ETNK1: variants seen among roughly 807,000 people sequenced by gnomAD.
The protein encoded by ETNK1 is putative protein product of Nbla10396.
ETNK1 carries 8 observed loss-of-function variants against 45.1 expected under a neutral mutation model. The ratio of observed to expected loss-of-function variants is 0.18; its 90% CI spans 0.10 to 0.32. The LOEUF (loss-of-function observed/expected upper bound fraction) is 0.32, where lower values mean the gene tolerates loss of function less well. ETNK1 is among the 10% of genes least tolerant of loss of function. The pLI, the probability that ETNK1 is intolerant of heterozygous loss-of-function variation, is 1.00. For missense variants in ETNK1, 302 were observed against 430.6 expected, an observed-to-expected ratio of 0.70 and a Z score of 2.64; for synonymous variants, 152 against 151.9, an observed-to-expected ratio of 1.00 and a Z score of -0.01.
In ETNK1 at chr12:22,656,861, A is replaced by T. The variant is rs796642242; in HGVS notation, c.417-2153A>T. On this transcript the variant is annotated intron_variant, in intron 2 of 7. Transcript: ENST00000266517. ...CCTAAATCATCTGTTTCATTTCAGT[A>T]AATATTTCTAAGATATAATATTCTG... 5 of 913,526 alleles carry T rather than the reference A, an allele frequency of 5.5e-6. No individual in the cohort carries two copies. The African/African-American group carries it at 9.0e-5, about 16-fold the overall frequency. 56.6% of individuals were successfully genotyped at this position (913,526 alleles called of 1,614,324 possible).
intron 1 of ETNK1, among the ~76,000 whole-genome samples, chr12:22,634,769 G>C (rs1254519324): frequency 6.6e-6 from 1 of 151,952 alleles, no homozygotes; most frequent in African/African-American, 2.4e-5. Flanking sequence ...TGCCCAGGCT[G>C]GTCTTGAACT....
At chr12:22,650,718 A>G (rs1953863587) in intron 2 of ETNK1, among the ~76,000 whole-genome samples, 1 of 151,902 alleles carries the variant, frequency 6.6e-6, no homozygotes, top group East Asian at 1.9e-4. Flanking sequence ...TAAAAAATAA[A>G]CATTTAAAAA....
At position 22,685,078 on chromosome 12, in the gene ETNK1, A is replaced by G; in HGVS notation, c.*124A>G. The G allele has an allele frequency of 1.6e-6, 1 of 636,780 alleles. No individual in the cohort carries two copies. Among genetic ancestry groups the G allele is most frequent in the East Asian group, 2.9e-5 (1 of 34,968 alleles). 39.4% of individuals were successfully genotyped at this position (636,780 alleles called of 1,614,324 possible). On this transcript the variant is annotated 3_prime_UTR_variant, in exon 8 of 8. Transcript: ENST00000266517. ...ATTTGGTTATCTTGCTTTATAAATT[A>G]TGCCTCTAAACAATCAAATCTATTT...
intron 5 of ETNK1, among the ~76,000 whole-genome samples, chr12:22,672,793 G>A (rs1954121988): frequency 6.6e-6 from 1 of 152,176 alleles, no homozygotes; most frequent in Non-Finnish European, 1.5e-5. Flanking sequence ...GGTAGATTTA[G>A]ACCAACTTCT....
At chr12:22,678,124 T>A (rs1954178339) in intron 6 of ETNK1, among the ~76,000 whole-genome samples, 1 of 152,202 alleles carries the variant, frequency 6.6e-6, no homozygotes, top group Admixed American at 6.5e-5. Context: ...CCTTCCTCTC[T>A]TACCAACTCT....
intron 6 of ETNK1, 49 bp from the exon 7 acceptor site, chr12:22,684,434 C>T: frequency 7.6e-7 from 1 of 1,310,636 alleles, no homozygotes; most frequent in Non-Finnish European, 1.1e-6. Context: ...ATGTGTTTTA[C>T]AGAGAAATTC....
Position 22,689,292 on chromosome 12 carries a change from G to GT in ETNK1, c.*4344dup. The GT allele has an allele frequency of 6.6e-6, 1 of 151,848 alleles. No homozygotes were observed. 9.4% of individuals were successfully genotyped at this position (151,848 alleles called of 1,614,324 possible). On this transcript the variant is annotated 3_prime_UTR_variant, in exon 8 of 8. Coordinates refer to ENST00000266517, the MANE Select transcript of ETNK1 (RefSeq NM_018638.5). The stretch of plus-strand genomic sequence containing the variant: ...TTGTGTTTGACGCATCAAACTTCAA[G>GT]TTTTTTGTAAGTTTCTCTCCTGAAA...
At chr12:22,676,853 TG>T (rs1420580685) in intron 6 of ETNK1, among the ~76,000 whole-genome samples, 4 of 134,256 alleles carry the variant, frequency 3.0e-5, no homozygotes, top group Admixed American at 7.2e-5. Flanking sequence ...TACGTTTTGA[TG>T]GGTTTTTTTT....
rs946277863 is a variant in ETNK1, at chr12:22,688,068, C to T, written c.*3114C>T. On this transcript the variant is annotated 3_prime_UTR_variant, in exon 8 of 8. Transcript: ENST00000266517. Reference sequence around the variant, plus strand: ...ACTGTTATATTAATAGAGCTCCGTTCTTTGAGTCATGATTCCAAGCTAAAG... The same window carrying T: ...ACTGTTATATTAATAGAGCTCCGTTTTTTGAGTCATGATTCCAAGCTAAAG... The T allele has an allele frequency of 2.6e-5, 4 of 152,094 alleles. No homozygotes were observed. The highest frequency in any genetic ancestry group is 5.9e-5 in the Non-Finnish European group (4 of 67,738). The allele number at this position is 152,094 out of a possible 1,614,324, so 9.4% of individuals were successfully genotyped here.
chr12:22,662,590 A>C (rs995085558), intron 4 of ETNK1, among the ~76,000 whole-genome samples: 1 of 151,012 alleles, frequency 6.6e-6, no homozygotes, highest in Non-Finnish European at 1.5e-5. Context: ...TGGAGATGGA[A>C]TCTTGCTCTG....
At chr12:22,654,307 A>G (rs1465258779) in intron 2 of ETNK1, among the ~76,000 whole-genome samples, 2 of 152,242 alleles carry the variant, frequency 1.3e-5, no homozygotes, top group East Asian at 3.8e-4. Flanking sequence ...AAGACCAGTA[A>G]TTCTGAGACC....
chr12:22,649,324 T>C (rs899197948), intron 2 of ETNK1, among the ~76,000 whole-genome samples: 1 of 152,104 alleles, frequency 6.6e-6, no homozygotes, highest in East Asian at 1.9e-4. Context: ...TCCTATGTTA[T>C]CTTCTCATGG....
intron 6 of ETNK1, chr12:22,682,221 T>A: frequency 2.3e-6 from 1 of 426,864 alleles, no homozygotes; most frequent in South Asian, 1.8e-5. Flanking sequence ...TATAGTACTA[T>A]ATTGAGAAGC....
In ETNK1 at chr12:22,643,773, A is replaced by G; in HGVS notation, c.167A>G (p.Asp56Gly). Residue 56 changes from aspartate to glycine, a missense_variant, in exon 2 of 8, where the codon GAT becomes GGT. Asp to Gly is a moderately conservative substitution (Grantham distance 94). Coordinates refer to ENST00000266517, the MANE Select transcript of ETNK1 (RefSeq NM_018638.5). ...AAAAATTTTTGGCAGCTCTTCACAGATGGAATCACAAATAAACTTATTGGC... is the reference window on the plus strand; with the variant it reads ...AAAAATTTTTGGCAGCTCTTCACAGGTGGAATCACAAATAAACTTATTGGC... Reference protein sequence around the residue: ...PQEVTLQLFTDGITNKLIGCY... With the variant: ...PQEVTLQLFTGGITNKLIGCY... 6.2e-7 allele frequency: 1 copy of G among 1,608,142 alleles called. No homozygotes were observed. Among genetic ancestry groups the G allele is most frequent in the South Asian group, 1.1e-5 (1 of 90,472 alleles).
intron 7 of ETNK1, 120 bp downstream of exon 7, chr12:22,684,676 T>C: frequency 1.3e-6 from 1 of 796,964 alleles, no homozygotes; most frequent in East Asian, 2.6e-5. Flanking sequence ...ATACACTTAG[T>C]AATTGGTCTG....
chr12:22,659,203 A>C (rs778588302), intron 3 of ETNK1, 49 bp downstream of exon 3: 4 of 1,537,454 alleles, frequency 2.6e-6, no homozygotes, highest in African/African-American at 1.4e-5. Context: ...GCTTTGCTCT[A>C]TGATAGGGTT....
At chr12:22,660,133 A>C (rs1459790676) in intron 3 of ETNK1, among the ~76,000 whole-genome samples, 1 of 152,044 alleles carries the variant, frequency 6.6e-6, no homozygotes, top group Non-Finnish European at 1.5e-5. Context: ...TGTAGAGAAG[A>C]ATACAGTAGT....
chr12:22,675,665 C>T (rs779084976), intron 6 of ETNK1, among the ~76,000 whole-genome samples: 1 of 152,054 alleles, frequency 6.6e-6, no homozygotes, highest in African/African-American at 2.4e-5. Flanking sequence ...CCATAACACC[C>T]GTTTTGCTGT....
chr12:22,684,658 A>T (rs1954243807), intron 7 of ETNK1, 102 bp downstream of exon 7: 1 of 882,762 alleles, frequency 1.1e-6, no homozygotes. Flanking sequence ...ATCAATTATA[A>T]AAGTTGTATA....
Sources: gnomAD v4.1 joint callset for allele counts (sites outside exome capture counted in the v4.1 genomes callset) on GRCh38, gnomAD v4.1.1 for gene constraint, MANE v1.5 for transcripts, NCBI Gene and HGNC (gene_info 2026-07-23, HGNC 2026-07-21) for gene names.